EIF2AK2: variants seen among roughly 807,000 people sequenced by gnomAD.
The protein encoded by EIF2AK2 is interferon-induced, double-stranded RNA-activated protein kinase.
Under a neutral mutation model 70.5 loss-of-function variants are expected in EIF2AK2, and 40 were observed. The observed-to-expected ratio is 0.57, with a 90% CI of 0.44 to 0.74. The LOEUF (loss-of-function observed/expected upper bound fraction) is 0.74, where lower values mean the gene tolerates loss of function less well. Ranked by LOEUF, EIF2AK2 falls within the 30% of genes least tolerant of loss-of-function variation. EIF2AK2 has a pLI of 0.00. For synonymous variants in EIF2AK2, 198 were observed against 220.9 expected (o/e 0.90, Z 0.92); for missense variants, 555 against 644.3 (o/e 0.86, Z 1.50).
intron 1 of EIF2AK2, chr2:37,149,412 C>T: frequency 4.1e-6 from 2 of 486,284 alleles, no homozygotes; most frequent in Non-Finnish European, 7.3e-6. Flanking sequence ...TTTAAAAGCA[C>T]CTCAATGTGC....
intron 2 of EIF2AK2, among the ~76,000 whole-genome samples, chr2:37,148,368 T>C (rs565707674): frequency 1.3e-5 from 2 of 151,938 alleles, no homozygotes; most frequent in South Asian, 2.1e-4. Context: ...AGTGGAGTGG[T>C]AGCATGGGGA....
chr2:37,136,329 A>G (rs1046804293), intron 9 of EIF2AK2, among the ~76,000 whole-genome samples: 2 of 152,198 alleles, frequency 1.3e-5, no homozygotes, highest in Non-Finnish European at 2.9e-5. Flanking sequence ...TCACTCAGCT[A>G]CGGGGAACCT....
At position 37,147,886 on chromosome 2, in the gene EIF2AK2, A is replaced by G. The variant is rs191459139; in HGVS notation, c.-16-64T>C. On this transcript the variant is annotated intron_variant, in intron 2 of 16. Coordinates refer to ENST00000233057, the MANE Select transcript of EIF2AK2 (RefSeq NM_001135651.3). ...GAACATATTTAATCTGAGTTTCCCA[A>G]TGCAGTTTAGGAGACAGAGGGGTTG... 4.4e-4 allele frequency: 537 copies of G among 1,207,276 alleles called. 3 individuals carry two copies. In the African/African-American group the frequency reaches 6.8e-3, roughly 15 times the overall value. The allele number at this position is 1,207,276 out of a possible 1,614,324, so 74.8% of individuals were successfully genotyped here.
At chr2:37,121,601 A>G (rs530784613) in intron 12 of EIF2AK2, among the ~76,000 whole-genome samples, 12 of 151,340 alleles carry the variant, frequency 7.9e-5, no homozygotes, top group Admixed American at 2.0e-4. Context: ...ACTAAGATAC[A>G]TAAATTGGAG....
chr2:37,128,629 A>G lies in EIF2AK2; in HGVS notation c.786-2218T>C, dbSNP rs539868090. On this transcript the variant is annotated intron_variant, in intron 10 of 16. Coordinates refer to ENST00000233057, the MANE Select transcript of EIF2AK2 (RefSeq NM_001135651.3). ...TCAAGAAACTTCTGTTGAATGAACAACACATCTTTAAACAAATTCTATTTC... is the reference window on the plus strand; with the variant it reads ...TCAAGAAACTTCTGTTGAATGAACAGCACATCTTTAAACAAATTCTATTTC... Among the ~76,000 whole-genome samples the G allele has an allele frequency of 2.6e-5, 4 of 152,336 alleles. No individual in the cohort carries two copies. In the East Asian group the frequency reaches 7.7e-4, roughly 29 times the overall value.
chr2:37,136,838 ATTAT>A, intron 9 of EIF2AK2, 141 bp downstream of exon 9: 1 of 695,762 alleles, frequency 1.4e-6, no homozygotes, highest in Non-Finnish European at 2.2e-6. Context: ...CACATCTAAA[ATTAT>A]TTGTTTATAG....
intron 12 of EIF2AK2, among the ~76,000 whole-genome samples, chr2:37,121,275 A>AC (rs1402317574): frequency 6.6e-5 from 10 of 151,342 alleles, no homozygotes; most frequent in African/African-American, 2.2e-4. Context: ...AAAAAAAAAA[A>AC]AAAAAAAAAA....
intron 12 of EIF2AK2, among the ~76,000 whole-genome samples, chr2:37,121,860 C>T (rs949737221): frequency 1.3e-5 from 2 of 152,046 alleles, no homozygotes; most frequent in Non-Finnish European, 1.5e-5. Flanking sequence ...AATGGGACCC[C>T]ATTGGCCTCA....
chr2:37,134,178 T>C (rs1483773080), intron 10 of EIF2AK2, among the ~76,000 whole-genome samples: 1 of 152,218 alleles, frequency 6.6e-6, no homozygotes, highest in Non-Finnish European at 1.5e-5. Context: ...GCTGACAGTC[T>C]GGTTGGCGAT....
At chr2:37,136,810 T>A (rs1675142586) in intron 9 of EIF2AK2, 173 bp downstream of exon 9, 1 of 538,990 alleles carries the variant, frequency 1.9e-6, no homozygotes, top group South Asian at 2.6e-5. Flanking sequence ...CATGTGCACA[T>A]AGTCAAAGAT....
At chr2:37,145,032 A>G (rs1307080614) in intron 4 of EIF2AK2, among the ~76,000 whole-genome samples, 1 of 152,108 alleles carries the variant, frequency 6.6e-6, no homozygotes, top group African/African-American at 2.4e-5. Flanking sequence ...TAAAAGTTAA[A>G]AAAAAAAGTT....
intron 13 of EIF2AK2, among the ~76,000 whole-genome samples, chr2:37,119,585 TTA>T (rs945229224): frequency 2.0e-5 from 3 of 150,772 alleles, no homozygotes; most frequent in Admixed American, 6.6e-5. Context: ...CTATCTTATT[TTA>T]TATATATATA....
intron 15 of EIF2AK2, 81 bp from the exon 16 acceptor site, chr2:37,107,608 G>A: frequency 6.9e-7 from 1 of 1,450,504 alleles, no homozygotes; most frequent in East Asian, 2.3e-5. Flanking sequence ...AGGAATACCT[G>A]AAATGTAGGA....
At chr2:37,148,383 C>T (rs1387956105) in intron 2 of EIF2AK2, 1 of 312,466 alleles carries the variant, frequency 3.2e-6, no homozygotes, top group Non-Finnish European at 6.0e-6. Flanking sequence ...TGGGGACAGG[C>T]TGGGAAATGA....
At chr2:37,156,145 G>A (rs1675916178) in intron 1 of EIF2AK2, among the ~76,000 whole-genome samples, 1 of 152,096 alleles carries the variant, frequency 6.6e-6, no homozygotes, top group African/African-American at 2.4e-5. Flanking sequence ...GTTATCTGGG[G>A]AAGAAGCTTT....
At chr2:37,127,104 G>A (rs1674768407) in intron 10 of EIF2AK2, among the ~76,000 whole-genome samples, 3 of 150,272 alleles carry the variant, frequency 2.0e-5, no homozygotes, top group Admixed American at 6.7e-5. Flanking sequence ...ATGGGCATAC[G>A]CTCTAAGCCT....
In EIF2AK2 at chr2:37,107,149, A is replaced by T; in HGVS notation, c.*124T>A. On this transcript the variant is annotated 3_prime_UTR_variant, in exon 17 of 17. Transcript: ENST00000233057. Reference sequence around the variant, plus strand: ...TCTGTTTCTGCAGAAAGATTAGTAAAAATAGTAAAAAATTAAAGGAAACAT... The same window carrying T: ...TCTGTTTCTGCAGAAAGATTAGTAATAATAGTAAAAAATTAAAGGAAACAT... 8.1e-7 allele frequency: 1 copy of T among 1,228,822 alleles called. No homozygotes were observed. The highest frequency in any genetic ancestry group is 1.1e-6 in the Non-Finnish European group (1 of 932,384). 76.1% of individuals were successfully genotyped at this position (1,228,822 alleles called of 1,614,324 possible).
In EIF2AK2 at chr2:37,147,582, C is replaced by T. The variant is rs570636616; in HGVS notation, c.119+106G>A. 8 of 651,730 alleles carry T rather than the reference C, an allele frequency of 1.2e-5. No homozygotes were observed. The East Asian group carries it at 2.9e-4, about 23-fold the overall frequency. 40.4% of individuals were successfully genotyped at this position (651,730 alleles called of 1,614,324 possible). On this transcript the variant is annotated intron_variant, in intron 3 of 16. Transcript: ENST00000233057. ...GCGGTGTTTGGTTTTTTTGTCCTTG[C>T]GATAGTTTGCTGAGAATAATGGTTT...
intron 13 of EIF2AK2, among the ~76,000 whole-genome samples, chr2:37,118,733 C>A (rs1674432458): frequency 6.6e-6 from 1 of 152,188 alleles, no homozygotes; most frequent in Non-Finnish European, 1.5e-5. Context: ...CTCAAAACAC[C>A]AATGCATCAG....
Sources: gnomAD v4.1 joint callset for allele counts (sites outside exome capture counted in the v4.1 genomes callset) on GRCh38, gnomAD v4.1.1 for gene constraint, MANE v1.5 for transcripts, NCBI Gene and HGNC (gene_info 2026-07-23, HGNC 2026-07-21) for gene names.